DNAJC6: variants seen among roughly 807,000 people sequenced by gnomAD.
DNAJC6 encodes DnaJ heat shock protein family (Hsp40) member C6.
DNAJC6 carries 34 observed loss-of-function variants against 110.0 expected under a neutral mutation model. The ratio of observed to expected loss-of-function variants is 0.31; its 90% confidence interval spans 0.24 to 0.41. The LOEUF (loss-of-function observed/expected upper bound fraction) is 0.41, where lower values mean the gene tolerates loss of function less well. DNAJC6 is among the 10% of genes least tolerant of loss of function. The pLI is 1.00. For synonymous variants in DNAJC6, 406 were observed against 437.2 expected, an observed-to-expected ratio of 0.93 and a Z score of 0.89; for missense variants, 1,031 against 1,207.8, an observed-to-expected ratio of 0.85 and a Z score of 2.17.
intron 4 of DNAJC6, among the ~76,000 whole-genome samples, chr1:65,371,545 G>T (rs965943827): frequency 5.9e-5 from 9 of 152,154 alleles, no homozygotes; most frequent in Non-Finnish European, 1.2e-4. Flanking sequence ...CAAAAATGGT[G>T]TGTGATTCAT....
At chr1:65,380,754 T>C (rs1645809146) in intron 5 of DNAJC6, among the ~76,000 whole-genome samples, 1 of 151,582 alleles carries the variant, frequency 6.6e-6, no homozygotes, top group Non-Finnish European at 1.5e-5. Flanking sequence ...AAAAACCCAA[T>C]GAAGAAGAAA....
chr1:65,276,239 C>G (rs1412454093), intron 1 of DNAJC6, among the ~76,000 whole-genome samples: 3 of 152,206 alleles, frequency 2.0e-5, no homozygotes, highest in Non-Finnish European at 4.4e-5. Context: ...TTCTCAAATA[C>G]ATACATCACA....
Position 65,347,240 on chromosome 1 carries a change from A to G in DNAJC6, c.194-17395A>G, listed in dbSNP as rs558085820. On this transcript the variant is annotated intron_variant, in intron 1 of 18. Coordinates refer to ENST00000371069, the MANE Select transcript of DNAJC6 (RefSeq NM_001256864.2). The stretch of plus-strand genomic sequence containing the variant: ...AACAGAACTAAGAATGTAAGGATAT[A>G]TAGTCTCCAAAATGTTAACAGTGGT... Among the ~76,000 whole-genome samples the G allele has an allele frequency of 9.8e-5, 15 of 152,300 alleles. No individual in the cohort carries two copies. In the South Asian group the frequency reaches 2.5e-3, roughly 25 times the overall value.
chr1:65,287,017 T>G (rs1343844502), intron 1 of DNAJC6, among the ~76,000 whole-genome samples: 1 of 152,214 alleles, frequency 6.6e-6, no homozygotes, highest in African/African-American at 2.4e-5. Context: ...CATTGTAAAG[T>G]TAATGCTTAC....
chr1:65,315,483 A>AGT (rs1645140974), intron 1 of DNAJC6, among the ~76,000 whole-genome samples: 1 of 152,174 alleles, frequency 6.6e-6, no homozygotes, highest in Non-Finnish European at 1.5e-5. Context: ...GTACAACATG[A>AGT]GTGTGTGTAA....
At chr1:65,320,083 T>C (rs1645184351) in intron 1 of DNAJC6, among the ~76,000 whole-genome samples, 1 of 152,244 alleles carries the variant, frequency 6.6e-6, no homozygotes, top group Admixed American at 6.5e-5. Flanking sequence ...GGTGTCACTT[T>C]CCAATTTAGG....
At chr1:65,384,891 T>C (rs1451927100) in intron 6 of DNAJC6, among the ~76,000 whole-genome samples, 1 of 152,234 alleles carries the variant, frequency 6.6e-6, no homozygotes, top group African/African-American at 2.4e-5. Context: ...AAATTTATGA[T>C]GTTAAAACTA....
At chr1:65,285,819 T>G (rs1764317) in intron 1 of DNAJC6, among the ~76,000 whole-genome samples, 31,703 of 151,964 alleles carry the variant, frequency 0.21, 4,075 homozygotes, top group South Asian at 0.35. Context: ...GTTACAGGCA[T>G]GTACCACCAC....
chr1:65,295,195 T>C (rs74083018), intron 1 of DNAJC6, among the ~76,000 whole-genome samples: 10,131 of 152,216 alleles, frequency 0.067, 368 homozygotes, highest in Non-Finnish European at 0.08. Flanking sequence ...ATCTTGTAAT[T>C]GTATGAAGCA....
chr1:65,264,761 C>G, exon 1 of DNAJC6: 2 of 1,457,096 alleles, frequency 1.4e-6, no homozygotes, highest in Non-Finnish European at 1.8e-6. Flanking sequence ...CCCCGCACAC[C>G]GACTTGCATG....
intron 1 of DNAJC6, among the ~76,000 whole-genome samples, chr1:65,314,730 C>A (rs530419747): frequency 1.3e-5 from 2 of 152,208 alleles, no homozygotes; most frequent in Non-Finnish European, 2.9e-5. Context: ...TCAGGTGATC[C>A]GCCTGCCTCA....
At chr1:65,317,280 T>C (rs910492723) in intron 1 of DNAJC6, among the ~76,000 whole-genome samples, 4 of 152,228 alleles carry the variant, frequency 2.6e-5, no homozygotes, top group African/African-American at 9.6e-5. Context: ...AGTTATTGTA[T>C]ATTAAACAGC....
chr1:65,299,152 A>G lies in DNAJC6; in HGVS notation c.-131+34220A>G, dbSNP rs535196561. The stretch of plus-strand genomic sequence containing the variant: ...AATTTCCCTAATAGAAAGTAAAAAG[A>G]TAGAATAATAAAATAAAAATACCCC... On this transcript the variant is annotated intron_variant, in intron 1 of 19. Transcript: ENST00000263441. Among the ~76,000 whole-genome samples, 10 of 152,350 alleles carry G rather than the reference A, an allele frequency of 6.6e-5. No homozygotes were observed. The East Asian group carries it at 9.6e-4, about 15-fold the overall frequency.
chr1:65,350,938 C>G (rs1017736402), intron 1 of DNAJC6, among the ~76,000 whole-genome samples: 1 of 152,166 alleles, frequency 6.6e-6, no homozygotes, highest in Non-Finnish European at 1.5e-5. Context: ...GTCTTACTCT[C>G]TATATTTACA....
chr1:65,373,080 G>A (rs1445567634), intron 4 of DNAJC6, among the ~76,000 whole-genome samples: 1 of 152,036 alleles, frequency 6.6e-6, no homozygotes, highest in African/African-American at 2.4e-5. Context: ...TTCTATGCTT[G>A]GGTTATTTCA....
At chr1:65,375,963 A>G (rs1436468320) in intron 4 of DNAJC6, among the ~76,000 whole-genome samples, 2 of 152,200 alleles carry the variant, frequency 1.3e-5, no homozygotes, top group African/African-American at 4.8e-5. Flanking sequence ...AGTAGGATTA[A>G]TATTCATTCT....
In DNAJC6 at chr1:65,389,256, G is replaced by C. The variant is rs1483159574; in HGVS notation, c.1194G>C (p.Lys398Asn). Residue 398 changes from lysine to asparagine, a missense_variant and splice_region_variant, in exon 10 of 19, where the codon AAG becomes AAC. Transcript: ENST00000371069. Reference protein sequence around the residue: ...PLDTTVLKFTKPELDACDVPE... With the variant: ...PLDTTVLKFTNPELDACDVPE... ...TTATCTTTTTTAAATCCCTATTTAG[G>C]CCTGAGTTAGATGCATGTGATGTAC... 1.9e-6 allele frequency: 3 copies of C among 1,612,738 alleles called. No individual in the cohort carries two copies. Among genetic ancestry groups the C allele is most frequent in the Non-Finnish European group, 2.5e-6 (3 of 1,179,228 alleles).
rs754810996 is a variant in DNAJC6 at position 65,364,624 on chromosome 1, T to TG, written c.194-11_194-10insG. The TG allele has an allele frequency of 1.4e-5, 21 of 1,550,106 alleles. No individual in the cohort carries two copies. In the Admixed American group the frequency reaches 4.2e-4, roughly 31 times the overall value. On this transcript the variant is annotated splice_polypyrimidine_tract_variant and intron_variant, in intron 1 of 18. Coordinates refer to ENST00000371069, the MANE Select transcript of DNAJC6 (RefSeq NM_001256864.2). ...CATTTTTGTTTGTTTGTTTTTTTTT[T>TG]TTTTTGGCAGGTGCCTCATCTCCAG...
At chr1:65,271,410 C>T (rs1653500350) in intron 1 of DNAJC6, among the ~76,000 whole-genome samples, 1 of 152,144 alleles carries the variant, frequency 6.6e-6, no homozygotes, top group Non-Finnish European at 1.5e-5. Flanking sequence ...CCTTTCCCTG[C>T]CCATGCCCCC....
Sources: gnomAD v4.1 joint callset for allele counts (sites outside exome capture counted in the v4.1 genomes callset) on GRCh38, gnomAD v4.1.1 for gene constraint, MANE v1.5 for transcripts, NCBI Gene and HGNC (gene_info 2026-07-23, HGNC 2026-07-21) for gene names.